Variants in CXCL13 observed in about 807,000 individuals in gnomAD.
CXCL13 encodes the protein C-X-C motif chemokine 13.
Under a neutral mutation model 12.2 loss-of-function variants are expected in CXCL13, and 7 were observed. The observed-to-expected ratio is 0.57, with a 90% CI of 0.33 to 1.07. The LOEUF (loss-of-function observed/expected upper bound fraction) is 1.07. CXCL13 is among the 50% of genes least tolerant of loss of function. The pLI is 0.04. For missense variants in CXCL13, 113 were observed against 127.4 expected, an observed-to-expected ratio of 0.89 and a Z score of 0.55; for synonymous variants, 47 against 42.4, an observed-to-expected ratio of 1.11 and a Z score of -0.42.
intron 1 of CXCL13, among the ~76,000 whole-genome samples, chr4:77,597,292 A>G (rs954054657): frequency 6.6e-6 from 1 of 152,140 alleles, no homozygotes; most frequent in African/African-American, 2.4e-5. Flanking sequence ...TATTTTTTTT[A>G]ATGTATTGAT....
At chr4:77,529,373 A>G (rs1336865997) in intron 1 of CXCL13, among the ~76,000 whole-genome samples, 1 of 152,198 alleles carries the variant, frequency 6.6e-6, no homozygotes, top group African/African-American at 2.4e-5. Flanking sequence ...CTTGGGCAGA[A>G]TGGCCATTTT....
chr4:77,576,342 T>G (rs1477534260), intron 1 of CXCL13, among the ~76,000 whole-genome samples: 2 of 152,242 alleles, frequency 1.3e-5, no homozygotes, highest in Non-Finnish European at 2.9e-5. Flanking sequence ...CTTTAATAAT[T>G]GAGTAAGTTA....
At chr4:77,551,915 G>A (rs1437460376) in intron 1 of CXCL13, among the ~76,000 whole-genome samples, 1 of 152,102 alleles carries the variant, frequency 6.6e-6, no homozygotes. Context: ...AATTCCTTAA[G>A]TGAGTTTTTC....
At chr4:77,563,310 C>T (rs1435823448) in intron 1 of CXCL13, among the ~76,000 whole-genome samples, 2 of 152,170 alleles carry the variant, frequency 1.3e-5, no homozygotes, top group East Asian at 1.9e-4. Context: ...TGTCTAAATT[C>T]CCTGGCTCCC....
At chr4:77,610,300 C>T (rs1727115554) in intron 2 of CXCL13, among the ~76,000 whole-genome samples, 2 of 152,124 alleles carry the variant, frequency 1.3e-5, no homozygotes, top group South Asian at 4.1e-4. Flanking sequence ...AGAAGTGAGC[C>T]AATCTTGGAG....
At chr4:77,598,933 A>G (rs1726829574) in intron 1 of CXCL13, among the ~76,000 whole-genome samples, 3 of 151,980 alleles carry the variant, frequency 2.0e-5, no homozygotes, top group Non-Finnish European at 4.4e-5. Context: ...CTTAGCCTCC[A>G]TAGTAACTGG....
chr4:77,589,967 C>G (rs1032377853), intron 1 of CXCL13, among the ~76,000 whole-genome samples: 4 of 152,240 alleles, frequency 2.6e-5, no homozygotes, highest in Middle Eastern at 3.4e-3. Flanking sequence ...CATATACATT[C>G]CCCATATTCG....
chr4:77,524,985 C>T (rs773502526), intron 1 of CXCL13, among the ~76,000 whole-genome samples: 11 of 152,212 alleles, frequency 7.2e-5, no homozygotes, highest in South Asian at 2.1e-4. Context: ...ATGTTGGAAG[C>T]TTAATCCCCA....
chr4:77,589,369 T>C (rs1726554010), intron 1 of CXCL13, among the ~76,000 whole-genome samples: 1 of 152,198 alleles, frequency 6.6e-6, no homozygotes. Flanking sequence ...TCTTGGTTAT[T>C]AGAGCTACTG....
chr4:77,579,902 G>T (rs1260936089), intron 1 of CXCL13, among the ~76,000 whole-genome samples: 2 of 152,086 alleles, frequency 1.3e-5, no homozygotes, highest in African/African-American at 4.8e-5. Context: ...CTTACTCAAG[G>T]GTAACATCCT....
chr4:77,545,241 G>C (rs938048736), intron 1 of CXCL13, among the ~76,000 whole-genome samples: 7 of 152,104 alleles, frequency 4.6e-5, no homozygotes, highest in Middle Eastern at 3.2e-3. Context: ...CTCTTTTTTG[G>C]TTCCATATGA....
intron 1 of CXCL13, among the ~76,000 whole-genome samples, chr4:77,566,585 G>T (rs967390422): frequency 3.2e-4 from 49 of 151,908 alleles, no homozygotes; most frequent in African/African-American, 8.5e-4. Flanking sequence ...AATCCTTGAG[G>T]TGCAAAATGT....
At chr4:77,554,267 A>T (rs1725607178) in intron 1 of CXCL13, among the ~76,000 whole-genome samples, 2 of 152,094 alleles carry the variant, frequency 1.3e-5, no homozygotes, top group South Asian at 4.1e-4. Context: ...TAAAAAACAG[A>T]TAGTTTAAAG....
chr4:77,559,052 T>C (rs1725732075), intron 1 of CXCL13, among the ~76,000 whole-genome samples: 1 of 152,224 alleles, frequency 6.6e-6, no homozygotes, highest in Non-Finnish European at 1.5e-5. Context: ...CTTCCACCAG[T>C]ATACCATCCA....
intron 1 of CXCL13, among the ~76,000 whole-genome samples, chr4:77,549,602 C>T (rs1006035171): frequency 1.3e-5 from 2 of 152,196 alleles, no homozygotes; most frequent in Admixed American, 1.3e-4. Context: ...CCCTCAGCTG[C>T]AGTTCTTTTG....
chr4:77,516,830 T>G (rs2110077994), intron 1 of CXCL13, among the ~76,000 whole-genome samples: 1 of 152,308 alleles, frequency 6.6e-6, no homozygotes, highest in Middle Eastern at 3.4e-3. Flanking sequence ...TGATCTTAGT[T>G]ATTTCTTACC....
chr4:77,538,727 G>T (rs1316080228), intron 1 of CXCL13, among the ~76,000 whole-genome samples: 2 of 152,158 alleles, frequency 1.3e-5, no homozygotes, highest in Admixed American at 6.5e-5. Flanking sequence ...GCTCAGTACT[G>T]GGGGAGGGGA....
chr4:77,526,352 C>T (rs1028824511), intron 1 of CXCL13, among the ~76,000 whole-genome samples: 2 of 151,848 alleles, frequency 1.3e-5, no homozygotes, highest in African/African-American at 4.8e-5. Flanking sequence ...ATCTAATATG[C>T]TTAAAGGTTG....
At chr4:77,607,872 T>C in intron 2 of CXCL13, 37 bp downstream of exon 2, 1 of 1,596,874 alleles carries the variant, frequency 6.3e-7, no homozygotes, top group Non-Finnish European at 8.6e-7. Flanking sequence ...GATTTCCTTC[T>C]CCCAATGAAA....
Sources: gnomAD v4.1 joint callset for allele counts (sites outside exome capture counted in the v4.1 genomes callset) on GRCh38, gnomAD v4.1.1 for gene constraint, MANE v1.5 for transcripts, NCBI Gene and HGNC (gene_info 2026-07-23, HGNC 2026-07-21) for gene names.